The following SLC15A2 variants were observed in gnomAD, a reference collection of about 807,000 sequenced individuals.
The protein encoded by SLC15A2 is solute carrier family 15 member 2, also known as kidney H(+)/peptide cotransporter.
SLC15A2 carries 77 observed loss-of-function variants against 95.5 expected under a neutral mutation model. The observed-to-expected ratio is 0.81, with a 90% CI of 0.67 to 0.97. The LOEUF is 0.97. Among genes scored for constraint, SLC15A2 ranks in the 50% least tolerant of loss-of-function variants. The pLI is 0.00. For missense variants in SLC15A2, 893 were observed against 874.4 expected (o/e 1.02, Z -0.27); for synonymous variants, 306 against 306.9 (o/e 1.00, Z 0.03).
intron 3 of SLC15A2, among the ~76,000 whole-genome samples, chr3:121,902,421 A>T (rs1385805913): frequency 6.6e-6 from 1 of 152,210 alleles, no homozygotes; most frequent in Non-Finnish European, 1.5e-5. Context: ...CAGGTTTGTT[A>T]CATAGGTATA....
Position 121,936,218 on chromosome 3 carries a change from G to T in SLC15A2, c.1762-3131G>T, listed in dbSNP as rs1450991444. On this transcript the variant is annotated intron_variant, in intron 19 of 21. Transcript: ENST00000489711. ...TCAATTTTGGAATAGGTGTGGTGTG[G>T]TGCTGAAAAAAATGTACATTCTGTT... Among the ~76,000 whole-genome samples the T allele has an allele frequency of 2.6e-5, 4 of 152,228 alleles. No individual in the cohort carries two copies. The South Asian group carries it at 8.3e-4, about 32-fold the overall frequency.
At chr3:121,922,577 TG>T (rs1370360729) in intron 8 of SLC15A2, among the ~76,000 whole-genome samples, 197 bp from the exon 9 acceptor site, 1 of 152,250 alleles carries the variant, frequency 6.6e-6, no homozygotes, top group Non-Finnish European at 1.5e-5. Context: ...TGTTATTTTT[TG>T]TTTTGAATGG....
Position 121,939,454 on chromosome 3 carries a change from G to T in SLC15A2, c.1867G>T (p.Val623Phe). 6.5e-7 allele frequency: 1 copy of T among 1,542,054 alleles called. No individual in the cohort carries two copies. The highest frequency in any genetic ancestry group is 8.7e-7 in the Non-Finnish European group (1 of 1,147,216). The change falls in exon 20 of 22, where the codon GTC becomes TTC. Residue 623 changes from valine to phenylalanine, a missense_variant. Transcript: ENST00000489711. ...ATATGCCCTGGTTACAGCTGGGGAG[G>T]TCATGTTCTCTGTCACAGGTCTTGA... ...PQYALVTAGE[V>F]MFSVTGLEFS...
intron 19 of SLC15A2, among the ~76,000 whole-genome samples, chr3:121,937,791 T>C (rs987608930): frequency 2.6e-5 from 4 of 152,280 alleles, no homozygotes; most frequent in African/African-American, 9.6e-5. Flanking sequence ...TATCCGGCTT[T>C]GTTCCGTTGC....
chr3:121,928,489 G>A lies in SLC15A2; in HGVS notation c.1275G>A (p.Glu425=). 6.2e-7 allele frequency: 1 copy of A among 1,614,112 alleles called. No individual in the cohort carries two copies. ...AAGTCTTGAATCTGGCAGATGATGA[G>A]GTGAAGGTGACAGTGGTGGGAAATG... ...FLQVLNLADD[E]VKVTVVGNEN... The change falls in exon 15 of 22, where the codon GAG becomes GAA. Residue 425 remains glutamate, a synonymous_variant. Coordinates refer to ENST00000489711, the MANE Select transcript of SLC15A2 (RefSeq NM_021082.4).
chr3:121,901,845 T>G (rs981792487), intron 3 of SLC15A2, among the ~76,000 whole-genome samples: 1 of 149,032 alleles, frequency 6.7e-6, no homozygotes, highest in East Asian at 2.0e-4. Flanking sequence ...GAGTATGTGT[T>G]TGTGTGTGTG....
At chr3:121,921,450 A>G (rs1433762238) in intron 7 of SLC15A2, among the ~76,000 whole-genome samples, 1 of 151,684 alleles carries the variant, frequency 6.6e-6, no homozygotes, top group Admixed American at 6.6e-5. Flanking sequence ...ACCTTGTACA[A>G]GGTGCTTAAT....
chr3:121,928,844 A>G, intron 15 of SLC15A2, 138 bp from the exon 16 acceptor site: 2 of 928,960 alleles, frequency 2.2e-6, no homozygotes, highest in Non-Finnish European at 3.2e-6. Flanking sequence ...TCCAAGAAAT[A>G]AAATGGCTAG....
intron 3 of SLC15A2, among the ~76,000 whole-genome samples, chr3:121,910,788 G>A (rs556680399): frequency 2.0e-5 from 3 of 152,124 alleles, no homozygotes; most frequent in Non-Finnish European, 4.4e-5. Context: ...GTTGTAGTGC[G>A]CCATATTTCA....
At chr3:121,920,957 G>A (rs1008039899) in intron 7 of SLC15A2, among the ~76,000 whole-genome samples, 2 of 152,218 alleles carry the variant, frequency 1.3e-5, no homozygotes, top group Non-Finnish European at 2.9e-5. Flanking sequence ...AGGGAACCAA[G>A]ATGGAGTATT....
At chr3:121,925,110 A>C (rs1710088820) in intron 13 of SLC15A2, 77 bp downstream of exon 13, 2 of 1,021,194 alleles carry the variant, frequency 2.0e-6, no homozygotes, top group Non-Finnish European at 3.1e-6. Context: ...ATTCAATGTC[A>C]GTATTTTTCT....
At chr3:121,931,536 C>T in intron 18 of SLC15A2, 103 bp from the exon 19 acceptor site, 1 of 659,078 alleles carries the variant, frequency 1.5e-6, no homozygotes. Flanking sequence ...GGCTTCACTG[C>T]TTTCCTCACC....
At chr3:121,936,906 T>C (rs1381008065) in intron 19 of SLC15A2, among the ~76,000 whole-genome samples, 5 of 149,654 alleles carry the variant, frequency 3.3e-5, no homozygotes, top group African/African-American at 1.2e-4. Context: ...CTGGTACCGG[T>C]TGTTCCTTTC....
intron 15 of SLC15A2, among the ~76,000 whole-genome samples, 161 bp from the exon 16 acceptor site, chr3:121,928,821 T>C (rs943922144): frequency 6.6e-6 from 1 of 152,208 alleles, no homozygotes; most frequent in African/African-American, 2.4e-5. Flanking sequence ...TCTGATTATT[T>C]CTTAGGGTAA....
chr3:121,896,255 C>A, intron 1 of SLC15A2, 151 bp from the exon 2 acceptor site: 4 of 624,756 alleles, frequency 6.4e-6, no homozygotes, highest in Non-Finnish European at 1.2e-5. Flanking sequence ...TTTAGTGTTA[C>A]CTAATAGGTG....
At chr3:121,926,322 T>G (rs1368912046) in intron 13 of SLC15A2, among the ~76,000 whole-genome samples, 2 of 152,154 alleles carry the variant, frequency 1.3e-5, no homozygotes, top group African/African-American at 4.8e-5. Context: ...AATGGTTTAG[T>G]GCTATCCCGT....
chr3:121,896,919 A>AG lies in SLC15A2; in HGVS notation c.193+434dup, dbSNP rs1177951796. On this transcript the variant is annotated intron_variant, in intron 2 of 21. Transcript: ENST00000489711. ...TCATCTCCAAAAAAAAAAAAAAAAAAGGGGGGGGAGGGAAAGCTCTCATTA... is the reference window on the plus strand; with the variant it reads ...TCATCTCCAAAAAAAAAAAAAAAAAAGGGGGGGGGAGGGAAAGCTCTCATTA... Among the ~76,000 whole-genome samples, 256 of 101,620 alleles carry AG rather than the reference A, an allele frequency of 2.5e-3. 1 individual carries two copies. Among genetic ancestry groups the AG allele is most frequent in the African/African-American group, 4.4e-3 (138 of 31,034 alleles). The allele number at this position is 101,620 out of a possible 152,430, so 66.7% of individuals were successfully genotyped here.
At chr3:121,911,498 A>G (rs1472702366) in intron 3 of SLC15A2, 76 bp from the exon 4 acceptor site, 2 of 954,240 alleles carry the variant, frequency 2.1e-6, no homozygotes, top group Non-Finnish European at 3.4e-6. Flanking sequence ...CACTGAGAAC[A>G]GTATGAACCC....
At chr3:121,914,507 C>A (rs1338096773) in intron 5 of SLC15A2, among the ~76,000 whole-genome samples, 1 of 152,104 alleles carries the variant, frequency 6.6e-6, no homozygotes, top group Non-Finnish European at 1.5e-5. Flanking sequence ...GGTGAACTAT[C>A]CTCCTTCATT....
Sources: allele counts gnomAD v4.1 joint callset (sites outside exome capture counted in the v4.1 genomes callset), GRCh38; gene constraint gnomAD v4.1.1; transcripts MANE v1.5; gene names NCBI Gene and HGNC (gene_info 2026-07-23, HGNC 2026-07-21).